Variants in TBC1D9B observed in about 807,000 individuals in gnomAD.
TBC1D9B encodes TBC1 domain family, member 9B (with GRAM domain).
Under a neutral mutation model 121.1 loss-of-function variants are expected in TBC1D9B, and 87 were observed. The observed-to-expected ratio is 0.72, with a 90% CI of 0.60 to 0.86. TBC1D9B has a LOEUF of 0.86. Among genes scored for constraint, TBC1D9B ranks in the 40% least tolerant of loss-of-function variants. The probability of loss-of-function intolerance (pLI) is 0.00; values close to 1 mark genes in which losing one functional copy is unlikely to be tolerated. For synonymous variants in TBC1D9B, 668 were observed against 670.1 expected (o/e 1.00, Z 0.05); for missense variants, 1,540 against 1,628.6 (o/e 0.95, Z 0.94).
intron 5 of TBC1D9B, among the ~76,000 whole-genome samples, chr5:179,892,914 T>C (rs1426372672): frequency 1.3e-5 from 2 of 152,194 alleles, no homozygotes; most frequent in African/African-American, 4.8e-5. Flanking sequence ...TCAGCTTCCT[T>C]GTCTGATACC....
rs375672084 is a variant in TBC1D9B, at chr5:179,863,864, C to T, written c.3286G>A (p.Gly1096Arg). Residue 1096 changes from glycine to arginine, a missense_variant, in exon 21 of 21, where the codon GGA becomes AGA. Transcript: ENST00000355235. This position sits in a 1 kb window ranked among gnomAD's most constrained non-coding sequence, Gnocchi z 4.5. ...AAGDPQAKAG[G>R]DTHLGKAPQE... is the part of the protein sequence containing the mutation. ...GGGGCTTTTCCGAGGTGTGTGTCTC[C>T]GCCTGCTTTGGCTTGGGGGTCTCCT... 2.2e-5 allele frequency: 35 copies of T among 1,613,062 alleles called. No homozygotes were observed. Among genetic ancestry groups the T allele is most frequent in the Admixed American group, 1.0e-4 (6 of 59,986 alleles).
chr5:179,906,015 G>A (rs888374227), intron 1 of TBC1D9B, among the ~76,000 whole-genome samples: 2 of 152,224 alleles, frequency 1.3e-5, no homozygotes, highest in Admixed American at 1.3e-4. Flanking sequence ...GAGTAGCTGG[G>A]ATAACAGGCG....
Position 179,902,199 on chromosome 5 carries a change from G to C in TBC1D9B, c.229+2503C>G, listed in dbSNP as rs1160102781. Reference sequence around the variant, plus strand: ...AGGAGTAAGGAGGAAGGATGGGTCTGTGGAGTCTGGGCAGTTCTCAGAGGA... The same window carrying C: ...AGGAGTAAGGAGGAAGGATGGGTCTCTGGAGTCTGGGCAGTTCTCAGAGGA... On this transcript the variant is annotated intron_variant, in intron 2 of 20. Transcript: ENST00000355235. This position sits in a 1 kb window ranked among gnomAD's most constrained non-coding sequence, Gnocchi z 4.9. 6.6e-6 allele frequency among the ~76,000 whole-genome samples: 1 copy of C among 152,260 alleles called. No homozygotes were observed. Among genetic ancestry groups the C allele is most frequent in the Non-Finnish European group, 1.5e-5 (1 of 68,036 alleles).
rs558402404 is a variant in TBC1D9B at position 179,902,462 on chromosome 5, G to T, written c.229+2240C>A. Among the ~76,000 whole-genome samples the T allele has an allele frequency of 3.9e-5, 6 of 152,164 alleles. No homozygotes were observed. The highest frequency in any genetic ancestry group is 1.4e-4 in the African/African-American group (6 of 41,416). ...GTCTGGTCTTGGTGAGTTGCTTCTGGGGCCTAGCCTGGCTGGCAGGAAAGG... is the reference window on the plus strand; with the variant it reads ...GTCTGGTCTTGGTGAGTTGCTTCTGTGGCCTAGCCTGGCTGGCAGGAAAGG... On this transcript the variant is annotated intron_variant, in intron 2 of 20. Transcript: ENST00000355235. The surrounding 1 kb of genome is among the most constrained non-coding windows in gnomAD (Gnocchi z 4.9).
rs1019578322 is a variant in TBC1D9B at position 179,874,506 on chromosome 5, T to G, written c.2186+396A>C. 2.0e-5 allele frequency among the ~76,000 whole-genome samples: 3 copies of G among 152,056 alleles called. No homozygotes were observed. The highest frequency in any genetic ancestry group is 7.2e-5 in the African/African-American group (3 of 41,402). ...GGGCAGGCCTGCTCCCTCCAGGGCA[T>G]GGGGGCTGCAATGCAGCTGAGCTTG... On this transcript the variant is annotated intron_variant, in intron 12 of 20. Transcript: ENST00000355235. This position sits in a 1 kb window ranked among gnomAD's most constrained non-coding sequence, Gnocchi z 4.3.
chr5:179,891,370 G>T lies in TBC1D9B; in HGVS notation c.1044+9C>A. 6.2e-7 allele frequency: 1 copy of T among 1,614,186 alleles called. No individual in the cohort carries two copies. The highest frequency in any genetic ancestry group is 8.5e-7 in the Non-Finnish European group (1 of 1,180,032). On this transcript the variant is annotated intron_variant, in intron 6 of 20. Transcript: ENST00000355235. This position sits in a 1 kb window ranked among gnomAD's most constrained non-coding sequence, Gnocchi z 4.3. ...AAAGGCCTTGGCCTCTCAACTAGGG[G>T]ATGCTGACCTCCCTCAGGGGTATGA...
At chr5:179,869,462 T>C (rs1760118483) in intron 17 of TBC1D9B, 1 of 567,590 alleles carries the variant, frequency 1.8e-6, no homozygotes, top group Non-Finnish European at 3.3e-6. Context: ...GTTCCAGCCC[T>C]GAAGCTCCAC....
rs1423637544 is a variant in TBC1D9B at position 179,872,893 on chromosome 5, A to G, written c.2414T>C (p.Val805Ala). 1 of 1,506,036 alleles carries G rather than the reference A, an allele frequency of 6.6e-7. No individual in the cohort carries two copies. Among genetic ancestry groups the G allele is most frequent in the Non-Finnish European group, 8.9e-7 (1 of 1,127,866 alleles). 93.3% of individuals were successfully genotyped at this position (1,506,036 alleles called of 1,614,324 possible). The change falls in exon 14 of 21, where the codon GTG becomes GCG. Residue 805 changes from valine (V) to alanine (A), a missense_variant and splice_region_variant. Val to Ala is a moderately conservative substitution (Grantham distance 64). Coordinates refer to ENST00000355235, the MANE Select transcript of TBC1D9B (RefSeq NM_015043.4). ...GCCCAGCCCTGCTGGCACCCATACC[A>G]CACTCCTCTTGGCCGTGTCCTCCAA... ...QSLEDTAKRS[V>A]VRAIPVDIGF...
intron 12 of TBC1D9B, among the ~76,000 whole-genome samples, chr5:179,873,525 G>C (rs950617335): frequency 3.3e-5 from 5 of 152,228 alleles, no homozygotes; most frequent in Admixed American, 1.3e-4. Flanking sequence ...CCTTGGGCAG[G>C]AACGCCTTAT....
At chr5:179,879,925 C>CA (rs36075093) in intron 7 of TBC1D9B, 136 bp from the exon 8 acceptor site, 1 of 1,102,410 alleles carries the variant, frequency 9.1e-7, no homozygotes, top group Non-Finnish European at 1.3e-6. Context: ...CGGAGAAGAG[C>CA]CTGTCTGGCT....
At chr5:179,899,778 C>T (rs1761117842) in intron 2 of TBC1D9B, among the ~76,000 whole-genome samples, 1 of 152,198 alleles carries the variant, frequency 6.6e-6, no homozygotes, top group Non-Finnish European at 1.5e-5. Context: ...GAGCTTCCTA[C>T]AAGACTCCAG....
intron 4 of TBC1D9B, 32 bp downstream of exon 4, chr5:179,894,354 G>T (rs373939213): frequency 3.2e-6 from 5 of 1,576,238 alleles, no homozygotes; most frequent in East Asian, 2.3e-5. Flanking sequence ...CTGAGGGTGT[G>T]GGGGCTGGGG....
At chr5:179,876,097 C>T in intron 10 of TBC1D9B, 60 bp from the exon 11 acceptor site, 4 of 1,412,830 alleles carry the variant, frequency 2.8e-6, no homozygotes, top group South Asian at 1.3e-5. Flanking sequence ...ATAAAACTGT[C>T]TCTCCCCACC....
In TBC1D9B at chr5:179,904,736, G is replaced by C; in HGVS notation, c.195C>G (p.Thr65=). The C allele has an allele frequency of 6.3e-7, 1 of 1,578,432 alleles. No individual in the cohort carries two copies. Residue 65 remains threonine (T), a synonymous_variant, in exon 2 of 21, where the codon ACC becomes ACG. Transcript: ENST00000355235. This position sits in a 1 kb window ranked among gnomAD's most constrained non-coding sequence, Gnocchi z 4.2. The part of the protein sequence containing the change: ...RVAPYRILHQ[T]QDSQVYWTVA... The stretch of plus-strand genomic sequence containing the variant: ...CTGTCCAGTAGACCTGGGAGTCCTG[G>C]GTCTGGTGCAGGATGCGGTAAGGGG...
chr5:179,870,294 C>G lies in TBC1D9B; in HGVS notation c.2686G>C (p.Asp896His), dbSNP rs969467317. 1.2e-6 allele frequency: 2 copies of G among 1,613,774 alleles called. No individual in the cohort carries two copies. The highest frequency in any genetic ancestry group is 2.2e-5 in the East Asian group (1 of 44,894). ...RMFRLLDENK[D>H]SLINFKEFVT... ...AACTCCTTGAAGTTGATCAGCGAGTCCTTGTTTTCGTCCAGGAGCCTGAAC... is the reference window on the plus strand; with the variant it reads ...AACTCCTTGAAGTTGATCAGCGAGTGCTTGTTTTCGTCCAGGAGCCTGAAC... The change falls in exon 16 of 21, where the codon GAC (aspartate) becomes CAC (histidine). Residue 896 changes from aspartate to histidine, a missense_variant. Asp to His is a moderately conservative substitution (Grantham distance 81). Coordinates refer to ENST00000355235, the MANE Select transcript of TBC1D9B (RefSeq NM_015043.4).
intron 18 of TBC1D9B, chr5:179,866,365 G>C (rs1028839715): frequency 6.4e-6 from 1 of 155,396 alleles, no homozygotes; most frequent in Non-Finnish European, 1.4e-5. Flanking sequence ...AGCGTTTCGG[G>C]GAGGACATTT....
chr5:179,888,626 CAAGCAGTCCCTTG>C (rs978264700), intron 6 of TBC1D9B, among the ~76,000 whole-genome samples: 4 of 152,190 alleles, frequency 2.6e-5, no homozygotes, highest in African/African-American at 9.7e-5. Context: ...GAAAGCAGGG[CAAGCAGTCCCTTG>C]CTTGCAGGAC....
chr5:179,873,509 G>C (rs1319306891), intron 12 of TBC1D9B, among the ~76,000 whole-genome samples: 2 of 152,212 alleles, frequency 1.3e-5, no homozygotes, highest in Non-Finnish European at 2.9e-5. Context: ...AGTCAGTGGG[G>C]GGGTCCCTTG....
Position 179,863,144 on chromosome 5 carries a change from C to T in TBC1D9B, c.*304G>A. The T allele has an allele frequency of 2.4e-6, 1 of 408,860 alleles. No homozygotes were observed. The highest frequency in any genetic ancestry group is 4.1e-5 in the Admixed American group (1 of 24,652). 25.3% of individuals were successfully genotyped at this position (408,860 alleles called of 1,614,324 possible). Reference sequence around the variant, plus strand: ...AGGTATGAGGCAAGCAAGGGCAGATCTGAGAGCCTGTAATGCTAGGCAGGT... The same window carrying T: ...AGGTATGAGGCAAGCAAGGGCAGATTTGAGAGCCTGTAATGCTAGGCAGGT... On this transcript the variant is annotated 3_prime_UTR_variant, in exon 21 of 21. Transcript: ENST00000355235. The surrounding 1 kb of genome is among the most constrained non-coding windows in gnomAD (Gnocchi z 4.5).
Sources: allele counts gnomAD v4.1 joint callset (sites outside exome capture counted in the v4.1 genomes callset), GRCh38; gene constraint gnomAD v4.1.1; non-coding constraint Gnocchi (gnomAD v3.1); transcripts MANE v1.5; gene names NCBI Gene and HGNC (gene_info 2026-07-23, HGNC 2026-07-21).